Variants in MYH6 observed in about 807,000 individuals in gnomAD.
MYH6 encodes the protein myosin heavy chain 6, also known as myosin-6.
A neutral mutation model predicts 223.2 loss-of-function variants in MYH6; 126 were observed. The observed-to-expected ratio is 0.56, with a 90% confidence interval of 0.49 to 0.65. The LOEUF (loss-of-function observed/expected upper bound fraction) is 0.65. MYH6 is among the 30% of genes least tolerant of loss of function. The probability of loss-of-function intolerance (pLI) is 0.00; values close to 1 mark genes in which losing one functional copy is unlikely to be tolerated. For synonymous variants in MYH6, 978 were observed against 1,010.2 expected (o/e 0.97, Z 0.61); for missense variants, 2,040 against 2,536.4 (o/e 0.80, Z 4.20).
In MYH6 at chr14:23,396,780, G is replaced by C. The variant is rs201411075; in HGVS notation, c.2206C>G (p.Gln736Glu). ...GTCCCCTTCCTGCTATCAATGAACT[G>C]TCCCTCAGGGATGGCCACTGGGTTC... ...ILNPVAIPEG[Q>E]FIDSRKGTEK... Residue 736 changes from glutamine to glutamate, a missense_variant, in exon 19 of 39, where the codon CAG becomes GAG. By Grantham distance (29) the Gln-to-Glu change is conservative. Coordinates refer to ENST00000405093, the MANE Select transcript of MYH6 (RefSeq NM_002471.4). 6.2e-7 allele frequency: 1 copy of C among 1,613,852 alleles called. No individual in the cohort carries two copies.
intron 28 of MYH6, 82 bp downstream of exon 28, chr14:23,389,311 G>T: frequency 6.7e-7 from 1 of 1,490,134 alleles, no homozygotes; most frequent in Non-Finnish European, 9.3e-7. Flanking sequence ...ACTCTTTCCA[G>T]CTCCAGGCTC....
chr14:23,396,111 AAAAAAGAAGAAG>A (rs927302637), intron 20 of MYH6, among the ~76,000 whole-genome samples, 161 bp downstream of exon 20: 2 of 150,598 alleles, frequency 1.3e-5, no homozygotes, highest in Non-Finnish European at 2.9e-5. Flanking sequence ...TTTAAAAAAA[AAAAAAGAAGAAG>A]AAGAAGAAGA....
chr14:23,404,469 C>A (rs998844556), intron 7 of MYH6, 81 bp from the exon 8 acceptor site: 7 of 1,541,072 alleles, frequency 4.5e-6, no homozygotes, highest in Non-Finnish European at 6.3e-6. Flanking sequence ...GCTGCCCTGG[C>A]CCTGAGGAAT....
chr14:23,394,812 C>T (rs972878185), intron 20 of MYH6, among the ~76,000 whole-genome samples: 2 of 152,148 alleles, frequency 1.3e-5, no homozygotes, highest in African/African-American at 4.8e-5. Context: ...TTTTTCCTTT[C>T]CTTGCTTTTT....
At chr14:23,394,387 T>G in intron 20 of MYH6, 64 bp from the exon 21 acceptor site, 1 of 1,602,126 alleles carries the variant, frequency 6.2e-7, no homozygotes. Flanking sequence ...TCATGGGCCC[T>G]ACTAAGCAAG....
In MYH6 at chr14:23,407,100, C is replaced by A; in HGVS notation, c.124G>T (p.Asp42Tyr). 6.2e-7 allele frequency: 1 copy of A among 1,614,244 alleles called. No individual in the cohort carries two copies. The highest frequency in any genetic ancestry group is 8.5e-7 in the Non-Finnish European group (1 of 1,180,048). ...TTGGCTTTGACAAACTCTTCCTTGT[C>A]ATCGGGCACGAAGCACTCAGTGCGA... ...DIRTECFVPD[D>Y]KEEFVKAKIL... Residue 42 changes from aspartate to tyrosine, a missense_variant, in exon 3 of 39, where the codon GAC (aspartate) becomes TAC (tyrosine). Coordinates refer to ENST00000405093, the MANE Select transcript of MYH6 (RefSeq NM_002471.4). The surrounding 1 kb of genome is among the most constrained non-coding windows in gnomAD (Gnocchi z 5.6).
In MYH6 at chr14:23,407,182, C is replaced by T. The variant is rs1595065750; in HGVS notation, c.42G>A (p.Gln14=). The stretch of plus-strand genomic sequence containing the variant: ...GCTCCTTCTCTGACTTGCGGAGGTA[C>T]TGGGCCGCTGCCCCAAAGTCAGCCA... ...AQMADFGAAA[Q]YLRKSEKERL... is the part of the protein sequence containing the mutation. The change falls in exon 3 of 39, where the codon CAG becomes CAA. Residue 14 remains glutamine (Q), a synonymous_variant. Coordinates refer to ENST00000405093, the MANE Select transcript of MYH6 (RefSeq NM_002471.4). The surrounding 1 kb of genome is among the most constrained non-coding windows in gnomAD (Gnocchi z 5.6). 1.2e-6 allele frequency: 2 copies of T among 1,614,274 alleles called. No homozygotes were observed. The highest frequency in any genetic ancestry group is 1.7e-6 in the Non-Finnish European group (2 of 1,180,054).
intron 20 of MYH6, among the ~76,000 whole-genome samples, 180 bp from the exon 21 acceptor site, chr14:23,394,503 C>A (rs1381300870): frequency 1.3e-5 from 2 of 152,160 alleles, no homozygotes; most frequent in African/African-American, 2.4e-5. Flanking sequence ...GATGAAAGGG[C>A]AGTTTATATC....
At chr14:23,397,360 A>T in intron 16 of MYH6, 103 bp from the exon 17 acceptor site, 2 of 1,317,062 alleles carry the variant, frequency 1.5e-6, no homozygotes, top group Admixed American at 1.7e-5. Flanking sequence ...TCAAAGGGAC[A>T]GGGGCTGCCA....
intron 25 of MYH6, 90 bp from the exon 26 acceptor site, chr14:23,390,536 C>T (rs1725429519): frequency 1.3e-6 from 2 of 1,550,062 alleles, no homozygotes; most frequent in Non-Finnish European, 8.7e-7. Flanking sequence ...AACTTAGGTT[C>T]CTCTCAAGCA....
intron 14 of MYH6, chr14:23,399,579 C>A (rs1485849126): frequency 1.5e-5 from 3 of 196,488 alleles, no homozygotes; most frequent in Admixed American, 1.1e-4. Flanking sequence ...CACACACACA[C>A]ATGCACAAGC....
At position 23,387,555 on chromosome 14, in the gene MYH6, G is replaced by C; in HGVS notation, c.4624C>G (p.Leu1542Val). ...TCTGCCTCCTCCAGGGCTGACTGCA[G>C]CTCCAGCTTCTCCACCTCCAGCTGT... ...RKQLEVEKLE[L>V]QSALEEAEAS... The change falls in exon 32 of 39, where the codon CTG becomes GTG. Residue 1542 changes from leucine to valine, a missense_variant. Physicochemically the swap from Leu to Val is conservative, Grantham distance 32 (BLOSUM62 1). This residue lies in a region of MYH6 where 1,203 missense variants were observed against 1,400.2 expected (regional missense o/e 0.86). Coordinates refer to ENST00000405093, the MANE Select transcript of MYH6 (RefSeq NM_002471.4). 2 of 1,614,006 alleles carry C rather than the reference G, an allele frequency of 1.2e-6. No homozygotes were observed. The highest frequency in any genetic ancestry group is 1.7e-6 in the Non-Finnish European group (2 of 1,180,014).
At chr14:23,403,583 A>T (rs1341620101) in intron 9 of MYH6, 132 bp downstream of exon 9, 3 of 1,191,282 alleles carry the variant, frequency 2.5e-6, no homozygotes, top group Non-Finnish European at 3.7e-6. Flanking sequence ...TGGCTTAAAT[A>T]AAAAGGATCC....
In MYH6 at chr14:23,396,269, T is replaced by C; in HGVS notation, c.2429+15A>G. The C allele has an allele frequency of 3.1e-6, 5 of 1,614,086 alleles. No individual in the cohort carries two copies. The highest frequency in any genetic ancestry group is 4.2e-6 in the Non-Finnish European group (5 of 1,180,030). ...TACATCTCTAGTGCATGCCTCCCTT[T>C]TCCTCCTGTCTCACCTGCGTTCCAC... On this transcript the variant is annotated intron_variant, in intron 20 of 38. Transcript: ENST00000405093.
Position 23,384,900 on chromosome 14 carries a change from G to T in MYH6, c.5289+16C>A, listed in dbSNP as rs372290580. The T allele has an allele frequency of 6.2e-7, 1 of 1,613,746 alleles. No individual in the cohort carries two copies. The highest frequency in any genetic ancestry group is 8.5e-7 in the Non-Finnish European group (1 of 1,180,046). On this transcript the variant is annotated intron_variant, in intron 35 of 38. Coordinates refer to ENST00000405093, the MANE Select transcript of MYH6 (RefSeq NM_002471.4). ...TTTCTGTCTTTAGGGGAGGCGGAAG[G>T]TGGGCGGTCACTTACATCCGTGATG...
intron 37 of MYH6, 77 bp from the exon 38 acceptor site, chr14:23,382,639 C>T (rs776182654): frequency 6.2e-7 from 1 of 1,610,236 alleles, no homozygotes; most frequent in Non-Finnish European, 8.5e-7. Context: ...CCTGAGGTTC[C>T]AGCTCCCTGT....
intron 7 of MYH6, 106 bp from the exon 8 acceptor site, chr14:23,404,494 G>A: frequency 7.4e-7 from 1 of 1,360,402 alleles, no homozygotes; most frequent in Non-Finnish European, 1.0e-6. Flanking sequence ...GTGCGGGGCT[G>A]GGTGAACCGC....
At position 23,393,480 on chromosome 14, in the gene MYH6, T is replaced by C. The variant is rs780979774; in HGVS notation, c.2967A>G (p.Glu989=). The C allele has an allele frequency of 3.1e-6, 5 of 1,614,106 alleles. No homozygotes were observed. The highest frequency in any genetic ancestry group is 2.5e-6 in the Non-Finnish European group (3 of 1,180,020). ...NLTEEMAGLD[E]IIAKLTKEKK... ...TCTCCTTGGTCAGCTTAGCGATGAT[T>C]TCATCCAGCCCAGCCATCTCCTCTG... The change falls in exon 23 of 39, where the codon GAA becomes GAG. Residue 989 remains glutamate, a synonymous_variant. Coordinates refer to ENST00000405093, the MANE Select transcript of MYH6 (RefSeq NM_002471.4).
intron 15 of MYH6, among the ~76,000 whole-genome samples, chr14:23,397,941 T>TTTTTCTTCTTCTTCTTCTTCC (rs1566512357): frequency 2.3e-4 from 14 of 60,394 alleles, no homozygotes; most frequent in African/African-American, 1.0e-3. Flanking sequence ...CCTCTTCTTC[T>TTTTTCTTCTTCTTCTTCTTCC]TCTTCTTCTT....
Sources: allele counts gnomAD v4.1 joint callset (sites outside exome capture counted in the v4.1 genomes callset), GRCh38; gene constraint gnomAD v4.1.1; regional missense constraint gnomAD v4.1.1; non-coding constraint Gnocchi (gnomAD v3.1); transcripts MANE v1.5; gene names NCBI Gene and HGNC (gene_info 2026-07-23, HGNC 2026-07-21).